Variants in CEP95 observed in about 807,000 individuals in gnomAD.
CEP95 encodes centrosomal protein 95, also known as centrosomal protein of 95 kDa.
Under a neutral mutation model 111.2 loss-of-function variants are expected in CEP95, and 98 were observed. The ratio of observed to expected loss-of-function variants is 0.88; its 90% CI spans 0.75 to 1.04. CEP95 has a LOEUF of 1.04. Ranked by LOEUF, CEP95 falls within the 50% of genes least tolerant of loss-of-function variation. CEP95 has a pLI of 0.00. For synonymous variants in CEP95, 323 were observed against 327.1 expected (o/e 0.99, Z 0.14); for missense variants, 1,027 against 977.2 (o/e 1.05, Z -0.68).
At chr17:64,507,688 C>T (rs2038635166) in intron 1 of CEP95, 13 of 986,454 alleles carry the variant, frequency 1.3e-5, no homozygotes, top group Non-Finnish European at 1.6e-5. Context: ...GCGTACAAAC[C>T]AGTTGTCATG....
intron 4 of CEP95, chr17:64,515,713 A>C (rs1055723577): frequency 6.6e-6 from 1 of 152,170 alleles, no homozygotes; most frequent in East Asian, 1.9e-4. Flanking sequence ...TCTGCTTCTC[A>C]TCTTTGCAGG....
chr17:64,532,882 G>C lies in CEP95; in HGVS notation c.1716G>C (p.Gln572His), dbSNP rs1357652216. 5 of 1,613,858 alleles carry C rather than the reference G, an allele frequency of 3.1e-6. No individual in the cohort carries two copies. The African/African-American group carries it at 6.7e-5, about 22-fold the overall frequency. The change falls in exon 15 of 20, where the codon CAG (glutamine) becomes CAC (histidine). Residue 572 changes from glutamine (Q) to histidine (H), a missense_variant. Transcript: ENST00000556440. ...EHSLLPLMLE[Q>H]FPFLYVSGPT... ...GTCTCCTGCCCCTTATGCTGGAGCA[G>C]TTTCCGTTTCTTTATGTTTCTGGCC... is the stretch of plus-strand genomic sequence containing the variant.
chr17:64,511,933 T>A (rs1555675186), intron 3 of CEP95, among the ~76,000 whole-genome samples: 1 of 152,244 alleles, frequency 6.6e-6, no homozygotes, highest in Non-Finnish European at 1.5e-5. Context: ...TCGCAACACC[T>A]GGCCGTATTG....
chr17:64,533,087 AACCT>A (rs781945469), intron 15 of CEP95, 26 bp from the exon 16 acceptor site: 1 of 1,606,544 alleles, frequency 6.2e-7, no homozygotes, highest in African/African-American at 1.3e-5. Flanking sequence ...CAGCATTATT[AACCT>A]ACTTAACTTC....
intron 2 of CEP95, 85 bp from the exon 3 acceptor site, chr17:64,510,088 C>T (rs2038811651): frequency 2.7e-6 from 2 of 729,650 alleles, no homozygotes; most frequent in South Asian, 1.6e-5. Flanking sequence ...AGCAGTTGAG[C>T]ATATTCAGTA....
At chr17:64,515,993 T>G (rs1309546881) in intron 4 of CEP95, 7 of 152,308 alleles carry the variant, frequency 4.6e-5, no homozygotes, top group African/African-American at 7.2e-5. Context: ...CTTTCATGGT[T>G]GTTGTGAAAG....
rs1318732201 is a variant in CEP95 at position 64,532,233 on chromosome 17, C to T, written c.1672+211C>T. 4 of 1,229,148 alleles carry T rather than the reference C, an allele frequency of 3.3e-6. No individual in the cohort carries two copies. The East Asian group carries it at 1.0e-4, about 31-fold the overall frequency. The allele number at this position is 1,229,148 out of a possible 1,614,324, so 76.1% of individuals were successfully genotyped here. ...TTCAGGGAGGCCTATATATTGGCACCCAAGGAATGCCAGGACTGCCACCTG... is the reference window on the plus strand; with the variant it reads ...TTCAGGGAGGCCTATATATTGGCACTCAAGGAATGCCAGGACTGCCACCTG... On this transcript the variant is annotated intron_variant, in intron 14 of 19. Coordinates refer to ENST00000556440, the MANE Select transcript of CEP95 (RefSeq NM_138363.3).
At chr17:64,526,269 T>C in intron 10 of CEP95, 69 bp downstream of exon 10, 1 of 1,433,402 alleles carries the variant, frequency 7.0e-7, no homozygotes, top group Non-Finnish European at 9.4e-7. Flanking sequence ...AATCTCTCAA[T>C]TGAAAGTGAG....
chr17:64,529,330 T>G lies in CEP95; in HGVS notation c.1349T>G (p.Leu450Arg). 6.2e-7 allele frequency: 1 copy of G among 1,613,728 alleles called. No individual in the cohort carries two copies. Among genetic ancestry groups the G allele is most frequent in the South Asian group, 1.1e-5 (1 of 91,052 alleles). The change falls in exon 12 of 20, where the codon CTC becomes CGC. Residue 450 changes from leucine (L) to arginine (R), a missense_variant. Transcript: ENST00000556440. ...AAGCCACCCTACAGATCCCATTCGC[T>G]CTCTCCATCTCCAGTTAACAAACAC... ...RRKPPYRSHS[L>R]SPSPVNKHKQ... is the part of the protein sequence containing the mutation.
chr17:64,534,713 G>A lies in CEP95; in HGVS notation c.2046G>A (p.Met682Ile), dbSNP rs1555681192. The A allele has an allele frequency of 1.2e-6, 2 of 1,612,610 alleles. No homozygotes were observed. Among genetic ancestry groups the A allele is most frequent in the African/African-American group, 2.7e-5 (2 of 75,024 alleles). ...GAGTTCAGTTGTGTGCAAAAATGAT[G>A]AGAATGAGGACCCGGGAAGAAATGG... is the stretch of plus-strand genomic sequence containing the variant. ...DYRVQLCAKM[M>I]RMRTREEMIF... Residue 682 changes from methionine to isoleucine, a missense_variant, in exon 17 of 20, where the codon ATG becomes ATA. Coordinates refer to ENST00000556440, the MANE Select transcript of CEP95 (RefSeq NM_138363.3).
chr17:64,535,233 TAA>T (rs1598253142), intron 17 of CEP95: 1 of 172,168 alleles, frequency 5.8e-6, no homozygotes, highest in East Asian at 1.7e-4. Flanking sequence ...TATAGTTTAC[TAA>T]AGACTTGGAC....
chr17:64,513,634 G>A (rs1044661746), intron 3 of CEP95, among the ~76,000 whole-genome samples: 15 of 152,266 alleles, frequency 9.9e-5, no homozygotes, highest in Middle Eastern at 3.4e-3. Flanking sequence ...TTATATTTCA[G>A]AAAGGGAGCC....
chr17:64,508,814 AT>A (rs2038728095), intron 2 of CEP95, 94 bp downstream of exon 2: 1 of 468,800 alleles, frequency 2.1e-6, no homozygotes, highest in Non-Finnish European at 3.4e-6. Context: ...ATAAAATTTC[AT>A]TTTCTCTTTG....
intron 6 of CEP95, 124 bp from the exon 7 acceptor site, chr17:64,521,278 A>G: frequency 1.5e-6 from 1 of 670,664 alleles, no homozygotes. Flanking sequence ...AGTTGGACCA[A>G]CATTATTTCG....
In CEP95 at chr17:64,508,588, A is replaced by G; in HGVS notation, c.20-4A>G. The G allele has an allele frequency of 7.2e-7, 1 of 1,383,218 alleles. No individual in the cohort carries two copies. The highest frequency in any genetic ancestry group is 9.5e-7 in the Non-Finnish European group (1 of 1,056,122). 85.7% of individuals were successfully genotyped at this position (1,383,218 alleles called of 1,614,324 possible). On this transcript the variant is annotated splice_polypyrimidine_tract_variant and splice_region_variant and intron_variant, in intron 1 of 19. Coordinates refer to ENST00000556440, the MANE Select transcript of CEP95 (RefSeq NM_138363.3). Reference sequence around the variant, plus strand: ...GACTGATCTTTCCCCCTTTTTCCCAACAGAGTGGGTAACCATTGCCAATAA... The same window carrying G: ...GACTGATCTTTCCCCCTTTTTCCCAGCAGAGTGGGTAACCATTGCCAATAA...
chr17:64,532,134 T>TTTGAAGAAAG, intron 14 of CEP95, 112 bp downstream of exon 14: 5 of 670,218 alleles, frequency 7.5e-6, no homozygotes, highest in Non-Finnish European at 8.1e-6. Flanking sequence ...CCGAAGAAAG[T>TTTGAAGAAAG]TTTTTTTTTT....
intron 4 of CEP95, chr17:64,514,565 G>A (rs2039048568): frequency 2.4e-6 from 1 of 423,176 alleles, no homozygotes; most frequent in Admixed American, 4.0e-5. Flanking sequence ...CAACTTGGAT[G>A]TTGCTCATAA....
rs892379421 is a variant in CEP95 at position 64,532,685 on chromosome 17, T to C, written c.1673-154T>C. 7.0e-6 allele frequency: 10 copies of C among 1,435,860 alleles called. No individual in the cohort carries two copies. In the African/African-American group the frequency reaches 1.4e-4, roughly 21 times the overall value. 88.9% of individuals were successfully genotyped at this position (1,435,860 alleles called of 1,614,324 possible). A position where few individuals can be genotyped will look rare whatever the true frequency, so the allele number is the denominator to read the frequency against. ...CTTACCAGTAGTTGGCTTACTCCAA[T>C]CAGAGGAGTAATGCAAATTATTATA... is the stretch of plus-strand genomic sequence containing the variant. On this transcript the variant is annotated intron_variant, in intron 14 of 19. Transcript: ENST00000556440.
intron 4 of CEP95, among the ~76,000 whole-genome samples, chr17:64,515,183 G>A (rs192218265): frequency 6.6e-6 from 1 of 152,276 alleles, no homozygotes; most frequent in East Asian, 1.9e-4. Context: ...AGGCGTCTGG[G>A]TACTCTGGGA....
Sources: gnomAD v4.1 joint callset for allele counts (sites outside exome capture counted in the v4.1 genomes callset) on GRCh38, gnomAD v4.1.1 for gene constraint, MANE v1.5 for transcripts, NCBI Gene and HGNC (gene_info 2026-07-23, HGNC 2026-07-21) for gene names.